NALF1: variants seen among roughly 807,000 people sequenced by gnomAD.
NALF1 encodes the protein family with sequence similarity 155 member A.
A neutral mutation model predicts 48.4 loss-of-function variants in NALF1; 3 were observed. The observed-to-expected ratio is 0.06, with a 90% CI of 0.03 to 0.16. The LOEUF (loss-of-function observed/expected upper bound fraction) is 0.16, where lower values mean the gene tolerates loss of function less well. Among genes scored for constraint, NALF1 ranks in the 10% least tolerant of loss-of-function variants. The pLI is 1.00. For synonymous variants in NALF1, 262 were observed against 245.7 expected (o/e 1.07, Z -0.62); for missense variants, 526 against 571.5 (o/e 0.92, Z 0.81).
At chr13:107,532,505 C>T (rs1344394631) in intron 1 of NALF1, among the ~76,000 whole-genome samples, 2 of 151,998 alleles carry the variant, frequency 1.3e-5, no homozygotes, top group African/African-American at 4.8e-5. Flanking sequence ...AATTTATCTT[C>T]TTAAATATCA....
intron 1 of NALF1, among the ~76,000 whole-genome samples, chr13:107,350,257 CTCAAATGTATTT>C (rs1159870865): frequency 4.6e-5 from 7 of 152,146 alleles, no homozygotes; most frequent in African/African-American, 1.7e-4. Flanking sequence ...GTTACTAAGA[CTCAAATGTATTT>C]TCATAAACTT....
Position 107,401,566 on chromosome 13 carries a change from T to C in NALF1, c.916-190811A>G, listed in dbSNP as rs907994443. On this transcript the variant is annotated intron_variant, in intron 1 of 2. Transcript: ENST00000375915. ...CAAATTATTATTTTGTCAAATGGTT[T>C]TTCTATGACAGGCTTTTCTCTGGAG... 4.6e-5 allele frequency among the ~76,000 whole-genome samples: 7 copies of C among 152,198 alleles called. No homozygotes were observed. The South Asian group carries it at 1.4e-3, about 32-fold the overall frequency.
rs529171241 is a variant in NALF1 at position 107,496,507 on chromosome 13, G to A, written c.916-285752C>T. On this transcript the variant is annotated intron_variant, in intron 1 of 2. Transcript: ENST00000375915. ...TCTGGAAGCAGTGCCATGAGTGTCTGGTAGGAGTAGAGCTGCCAGTCAGGT... is the reference window on the plus strand; with the variant it reads ...TCTGGAAGCAGTGCCATGAGTGTCTAGTAGGAGTAGAGCTGCCAGTCAGGT... Among the ~76,000 whole-genome samples the A allele has an allele frequency of 1.2e-3, 184 of 152,238 alleles. 2 individuals are homozygous for A. Among genetic ancestry groups the A allele is most frequent in the African/African-American group, 4.2e-3 (174 of 41,532 alleles).
intron 1 of NALF1, among the ~76,000 whole-genome samples, chr13:107,211,416 C>T (rs555718950): frequency 6.6e-6 from 1 of 152,186 alleles, no homozygotes; most frequent in Non-Finnish European, 1.5e-5. Context: ...TCATCAGAGC[C>T]ACAGCTTCAA....
At chr13:107,505,127 G>A (rs919953765) in intron 1 of NALF1, among the ~76,000 whole-genome samples, 2 of 152,228 alleles carry the variant, frequency 1.3e-5, no homozygotes, top group African/African-American at 4.8e-5. Flanking sequence ...ACTTTGAGCA[G>A]GTAAAAGTGG....
intron 1 of NALF1, among the ~76,000 whole-genome samples, chr13:107,807,852 C>CT (rs1477538305): frequency 6.6e-6 from 1 of 152,118 alleles, no homozygotes; most frequent in Non-Finnish European, 1.5e-5. Context: ...CACGGACTAC[C>CT]ATATAAATGA....
At chr13:107,355,961 C>T (rs1202779579) in intron 1 of NALF1, among the ~76,000 whole-genome samples, 2 of 152,066 alleles carry the variant, frequency 1.3e-5, no homozygotes, top group Non-Finnish European at 2.9e-5. Context: ...GGTTCTGGCC[C>T]CTAAAAAATT....
At chr13:107,694,977 G>C (rs1881666691) in intron 1 of NALF1, among the ~76,000 whole-genome samples, 2 of 152,060 alleles carry the variant, frequency 1.3e-5, no homozygotes, top group Admixed American at 6.5e-5. Flanking sequence ...ATTTTTAGCA[G>C]AGACGGGGTT....
At chr13:107,585,989 T>A (rs1187668922) in intron 1 of NALF1, among the ~76,000 whole-genome samples, 1 of 152,228 alleles carries the variant, frequency 6.6e-6, no homozygotes, top group South Asian at 2.1e-4. Context: ...TTCTGCACCA[T>A]CTAATGTGAA....
At chr13:107,797,069 CAAAA>C (rs34466386) in intron 1 of NALF1, among the ~76,000 whole-genome samples, 1 of 152,216 alleles carries the variant, frequency 6.6e-6, no homozygotes, top group Non-Finnish European at 1.5e-5. Context: ...TCATGGCCAC[CAAAA>C]AGCTTTCTGA....
rs541613347 is a variant in NALF1 at position 107,500,374 on chromosome 13, C to T, written c.916-289619G>A. On this transcript the variant is annotated intron_variant, in intron 1 of 2. Transcript: ENST00000375915. ...TGCTTTTAAGATAGTGCCTTGCCAT[C>T]AGAGAAATGCAAATCAAAACCACAA... Among the ~76,000 whole-genome samples the T allele has an allele frequency of 3.9e-5, 6 of 152,180 alleles. No homozygotes were observed. The South Asian group carries it at 1.2e-3, about 32-fold the overall frequency.
intron 1 of NALF1, among the ~76,000 whole-genome samples, chr13:107,413,616 T>G (rs2139002567): frequency 6.6e-6 from 1 of 152,246 alleles, no homozygotes; most frequent in African/African-American, 2.4e-5. Flanking sequence ...AATTAACCCT[T>G]CATGCATTTT....
chr13:107,459,881 A>G (rs1213339856), intron 1 of NALF1, among the ~76,000 whole-genome samples: 3 of 152,022 alleles, frequency 2.0e-5, no homozygotes, highest in African/African-American at 7.2e-5. Context: ...AGCTGGGACC[A>G]CCTGCGTGTG....
chr13:107,319,149 T>C (rs1237488291), intron 1 of NALF1, among the ~76,000 whole-genome samples: 1 of 152,056 alleles, frequency 6.6e-6, no homozygotes, highest in Non-Finnish European at 1.5e-5. Flanking sequence ...TGCCAAGAGA[T>C]AGGGCTGGGC....
intron 1 of NALF1, among the ~76,000 whole-genome samples, chr13:107,345,392 C>A (rs1456614506): frequency 6.6e-6 from 1 of 152,142 alleles, no homozygotes; most frequent in Non-Finnish European, 1.5e-5. Flanking sequence ...CTCACACTTT[C>A]TGATTTTGAA....
chr13:107,635,613 C>T (rs889528827), intron 1 of NALF1, among the ~76,000 whole-genome samples: 15 of 152,156 alleles, frequency 9.9e-5, no homozygotes, highest in African/African-American at 3.6e-4. Context: ...TATCCTTGGA[C>T]AATTCTCTTA....
In NALF1 at chr13:107,839,057, A is replaced by C. The variant is rs141719084; in HGVS notation, c.915+26625T>G. Among the ~76,000 whole-genome samples, 210 of 152,192 alleles carry C rather than the reference A, an allele frequency of 1.4e-3. 5 individuals carry two copies. The East Asian group carries it at 0.032, about 23-fold the overall frequency. The stretch of plus-strand genomic sequence containing the variant: ...TTGCCCTCTCAGACAGTGAGGATAC[A>C]TGGTGACCTCCTCCACCCTGAATTA... On this transcript the variant is annotated intron_variant, in intron 1 of 2. Transcript: ENST00000375915.
chr13:107,583,748 G>T (rs190479079), intron 1 of NALF1, among the ~76,000 whole-genome samples: 31 of 152,192 alleles, frequency 2.0e-4, no homozygotes, highest in Non-Finnish European at 3.5e-4. Flanking sequence ...CAAAGAGTGT[G>T]TTTATAAGTT....
intron 1 of NALF1, among the ~76,000 whole-genome samples, chr13:107,622,975 C>G (rs1446639901): frequency 6.6e-6 from 1 of 152,128 alleles, no homozygotes; most frequent in Non-Finnish European, 1.5e-5. Context: ...AACAAACCTG[C>G]TTTAACCAAC....
Sources: gnomAD v4.1 joint callset for allele counts (sites outside exome capture counted in the v4.1 genomes callset) on GRCh38, gnomAD v4.1.1 for gene constraint, MANE v1.5 for transcripts, NCBI Gene and HGNC (gene_info 2026-07-23, HGNC 2026-07-21) for gene names.